The following TLE3 variants were observed in gnomAD, a reference collection of about 807,000 sequenced individuals.
The protein encoded by TLE3 is transducin-like enhancer protein 3.
Under a neutral mutation model 93.0 loss-of-function variants are expected in TLE3, and 14 were observed. The ratio of observed to expected loss-of-function variants is 0.15; its 90% confidence interval spans 0.10 to 0.24. The LOEUF (loss-of-function observed/expected upper bound fraction) is 0.24. Among genes scored for constraint, TLE3 ranks in the 10% least tolerant of loss-of-function variants. The pLI is 1.00. For synonymous variants in TLE3, 451 were observed against 425.0 expected, an observed-to-expected ratio of 1.06 and a Z score of -0.75; for missense variants, 693 against 1,046.6, an observed-to-expected ratio of 0.66 and a Z score of 4.66.
chr15:70,052,052 G>A (rs2055599947), intron 18 of TLE3, among the ~76,000 whole-genome samples: 1 of 152,248 alleles, frequency 6.6e-6, no homozygotes, highest in Admixed American at 6.5e-5. Context: ...GCTCTCAGAT[G>A]CCAAAGCAAG....
intron 6 of TLE3, among the ~76,000 whole-genome samples, chr15:70,069,362 T>G (rs2057004959): frequency 6.6e-6 from 1 of 152,114 alleles, no homozygotes; most frequent in South Asian, 2.1e-4. Context: ...GCCCAAAACA[T>G]GAACCAGTGA....
rs138115514 is a variant in TLE3, at chr15:70,069,348, G to T, written c.373-3130C>A. Reference sequence around the variant, plus strand: ...CATCAATGGGGTCATGAGGTGTCCTGCTTGCCCAAAACATGAACCAGTGAA... The same window carrying T: ...CATCAATGGGGTCATGAGGTGTCCTTCTTGCCCAAAACATGAACCAGTGAA... On this transcript the variant is annotated intron_variant, in intron 6 of 19. Coordinates refer to ENST00000451782, the MANE Select transcript of TLE3 (RefSeq NM_001105192.3). 3.8e-3 allele frequency among the ~76,000 whole-genome samples: 585 copies of T among 152,300 alleles called. 3 individuals carry two copies. The highest frequency in any genetic ancestry group is 0.03 in the South Asian group (144 of 4,824).
intron 8 of TLE3, among the ~76,000 whole-genome samples, chr15:70,063,710 C>T (rs1418375395): frequency 1.3e-5 from 2 of 152,214 alleles, no homozygotes; most frequent in Non-Finnish European, 2.9e-5. Flanking sequence ...CCAGACTCCA[C>T]TGCGCTTATT....
intron 18 of TLE3, 48 bp downstream of exon 18, chr15:70,052,326 T>G (rs770267590): frequency 8.1e-6 from 13 of 1,596,712 alleles, no homozygotes; most frequent in Non-Finnish European, 1.1e-5. Flanking sequence ...CAGGCTGCCC[T>G]GGGTTCCCCA....
intron 4 of TLE3, among the ~76,000 whole-genome samples, chr15:70,077,027 T>G (rs2057481538): frequency 6.6e-6 from 1 of 152,190 alleles, no homozygotes; most frequent in Non-Finnish European, 1.5e-5. Context: ...CAACACTTCA[T>G]TTTTTAGGAT....
At chr15:70,079,574 C>G (rs2057655006) in intron 4 of TLE3, 1 of 382,230 alleles carries the variant, frequency 2.6e-6, no homozygotes, top group Admixed American at 5.1e-5. Flanking sequence ...GGGCCTCCCC[C>G]ATCTCTACAA....
rs1217706702 is a variant in TLE3, at chr15:70,058,425, A to G, written c.919-134T>C. The G allele has an allele frequency of 4.2e-6, 6 of 1,435,484 alleles. No individual in the cohort carries two copies. In the African/African-American group the frequency reaches 4.3e-5, roughly 10 times the overall value. 88.9% of individuals were successfully genotyped at this position (1,435,484 alleles called of 1,614,324 possible). ...GAAGCTTCTGCCGAACAGCCTCTCAATCCTTGCCCAACCTTGTTTGGCAGG... is the reference window on the plus strand; with the variant it reads ...GAAGCTTCTGCCGAACAGCCTCTCAGTCCTTGCCCAACCTTGTTTGGCAGG... On this transcript the variant is annotated intron_variant, in intron 11 of 19. Transcript: ENST00000451782. This position sits in a 1 kb window ranked among gnomAD's most constrained non-coding sequence, Gnocchi z 4.1.
chr15:70,088,194 T>C (rs1473254979), intron 4 of TLE3, among the ~76,000 whole-genome samples: 1 of 152,216 alleles, frequency 6.6e-6, no homozygotes, highest in Non-Finnish European at 1.5e-5. Context: ...AAATCAATGC[T>C]GATGCGAATT....
rs771152835 is a variant in TLE3 at position 70,079,421 on chromosome 15, C to G, written c.235-3263G>C. 53 of 439,698 alleles carry G rather than the reference C, an allele frequency of 1.2e-4. 1 individual carries two copies. The Admixed American group carries it at 1.6e-3, about 14-fold the overall frequency. The allele number at this position is 439,698 out of a possible 1,614,324, so 27.2% of individuals were successfully genotyped here. A position where few individuals can be genotyped will look rare whatever the true frequency, so the allele number is the denominator to read the frequency against. On this transcript the variant is annotated intron_variant, in intron 4 of 19. Coordinates refer to ENST00000451782, the MANE Select transcript of TLE3 (RefSeq NM_001105192.3). ...ACGTTGGGAGAACCTCCTGGTTCAC[C>G]GTAAAAGTTCTCCCAACGTAAACCC...
In TLE3 at chr15:70,052,556, C is replaced by A. The variant is rs368813435; in HGVS notation, c.1975-32G>T. 13 of 1,601,436 alleles carry A rather than the reference C, an allele frequency of 8.1e-6. No individual in the cohort carries two copies. The Middle Eastern group carries it at 9.9e-4, about 122-fold the overall frequency. On this transcript the variant is annotated intron_variant, in intron 17 of 19. Coordinates refer to ENST00000451782, the MANE Select transcript of TLE3 (RefSeq NM_001105192.3). ...GTGGTGGGAGGGCAGATGGACTGAGCTCAGCATTCTCTGCCCTCAAGAGGA... is the reference window on the plus strand; with the variant it reads ...GTGGTGGGAGGGCAGATGGACTGAGATCAGCATTCTCTGCCCTCAAGAGGA...
At chr15:70,061,324 G>A (rs1477687240) in intron 8 of TLE3, among the ~76,000 whole-genome samples, 3 of 152,136 alleles carry the variant, frequency 2.0e-5, no homozygotes. Flanking sequence ...AGCAAGGGCA[G>A]GGACAGTCAC....
At chr15:70,059,559 G>T in intron 9 of TLE3, 99 bp from the exon 10 acceptor site, 1 of 1,219,830 alleles carries the variant, frequency 8.2e-7, no homozygotes, top group Non-Finnish European at 1.2e-6. Flanking sequence ...GCCAGGACCT[G>T]AAGCCAGGCC....
intron 4 of TLE3, among the ~76,000 whole-genome samples, chr15:70,093,944 G>A (rs1395687931): frequency 6.6e-6 from 1 of 152,160 alleles, no homozygotes; most frequent in Non-Finnish European, 1.5e-5. Flanking sequence ...TGGGAACTCG[G>A]CTGCCTTCAA....
chr15:70,056,264 T>G, intron 14 of TLE3, 34 bp downstream of exon 14: 1 of 1,608,802 alleles, frequency 6.2e-7, no homozygotes, highest in Non-Finnish European at 8.5e-7. Flanking sequence ...CTGCCCACCC[T>G]ACAAAGCATG....
intron 4 of TLE3, among the ~76,000 whole-genome samples, chr15:70,081,507 T>G (rs952732941): frequency 1.3e-5 from 2 of 152,196 alleles, no homozygotes; most frequent in African/African-American, 4.8e-5. Flanking sequence ...GCAAGAACAA[T>G]GATATCATAC....
At chr15:70,090,909 T>G (rs1446061409) in intron 4 of TLE3, among the ~76,000 whole-genome samples, 1 of 152,200 alleles carries the variant, frequency 6.6e-6, no homozygotes, top group African/African-American at 2.4e-5. Context: ...TTTTGTAGCC[T>G]TAGCCTGTTT....
chr15:70,057,289 T>C (rs947520991), intron 13 of TLE3, among the ~76,000 whole-genome samples, 170 bp downstream of exon 13: 1 of 151,898 alleles, frequency 6.6e-6, no homozygotes, highest in African/African-American at 2.4e-5. Context: ...CCCCAAAGAG[T>C]GTACCCTTCC....
In TLE3 at chr15:70,049,920, C is replaced by T; in HGVS notation, c.*177G>A. 1 of 585,364 alleles carries T rather than the reference C, an allele frequency of 1.7e-6. No homozygotes were observed. Among genetic ancestry groups the T allele is most frequent in the East Asian group, 2.8e-5 (1 of 35,200 alleles). The allele number at this position is 585,364 out of a possible 1,614,324, so 36.3% of individuals were successfully genotyped here. ...GTCTGTGAGACACATCAATCCAGGCCCAGGAGTCCAGACTGTGACGGGGCA... is the reference window on the plus strand; with the variant it reads ...GTCTGTGAGACACATCAATCCAGGCTCAGGAGTCCAGACTGTGACGGGGCA... On this transcript the variant is annotated 3_prime_UTR_variant, in exon 20 of 20. Coordinates refer to ENST00000451782, the MANE Select transcript of TLE3 (RefSeq NM_001105192.3).
rs371644163 is a variant in TLE3, at chr15:70,051,925, A to C, written c.2125+449T>G. Among the ~76,000 whole-genome samples, 67 of 152,324 alleles carry C rather than the reference A, an allele frequency of 4.4e-4. No homozygotes were observed. The South Asian group carries it at 0.013, about 31-fold the overall frequency. On this transcript the variant is annotated intron_variant, in intron 18 of 19. Coordinates refer to ENST00000451782, the MANE Select transcript of TLE3 (RefSeq NM_001105192.3). Reference sequence around the variant, plus strand: ...GTGTTAAAGCCCTTATGCTCCCTGAAAGCCATGAGCACCATGCTATTCCCG... The same window carrying C: ...GTGTTAAAGCCCTTATGCTCCCTGACAGCCATGAGCACCATGCTATTCCCG...
Sources: gnomAD v4.1 joint callset for allele counts (sites outside exome capture counted in the v4.1 genomes callset) on GRCh38, gnomAD v4.1.1 for gene constraint, Gnocchi (gnomAD v3.1) non-coding constraint, MANE v1.5 for transcripts, NCBI Gene and HGNC (gene_info 2026-07-23, HGNC 2026-07-21) for gene names.